The following RFX3 variants were observed in gnomAD, a reference collection of about 807,000 sequenced individuals.
The protein encoded by RFX3 is regulatory factor X3, also known as transcription factor RFX3.
In RFX3, 14 loss-of-function variants were observed where a neutral mutation model predicts 98.6. That is an observed-to-expected ratio of 0.14 (90% CI 0.09 to 0.22). The LOEUF (loss-of-function observed/expected upper bound fraction) is 0.22. Ranked by LOEUF, RFX3 falls within the 10% of genes least tolerant of loss-of-function variation. The pLI, the probability that RFX3 is intolerant of heterozygous loss-of-function variation, is 1.00. For synonymous variants in RFX3, 383 were observed against 328.4 expected, an observed-to-expected ratio of 1.17 and a Z score of -1.80; for missense variants, 639 against 926.9, an observed-to-expected ratio of 0.69 and a Z score of 4.03.
At chr9:3,474,635 C>T (rs1426466141) in intron 1 of RFX3, among the ~76,000 whole-genome samples, 4 of 152,150 alleles carry the variant, frequency 2.6e-5, no homozygotes, top group Non-Finnish European at 5.9e-5. Context: ...AGTAAGTCAG[C>T]CAACAAGTGG....
chr9:3,304,414 T>A (rs926033936), intron 4 of RFX3, among the ~76,000 whole-genome samples: 41 of 152,050 alleles, frequency 2.7e-4, no homozygotes, highest in South Asian at 1.5e-3. Context: ...CATAATCCAA[T>A]AGACATTACA....
chr9:3,248,219 C>G (rs1820933549), intron 14 of RFX3, 34 bp from the exon 15 acceptor site: 1 of 1,553,676 alleles, frequency 6.4e-7, no homozygotes, highest in Non-Finnish European at 8.7e-7. Context: ...ATGCAGCTAA[C>G]ATTAGTGACA....
intron 15 of RFX3, among the ~76,000 whole-genome samples, chr9:3,237,296 A>G (rs895237004): frequency 3.7e-4 from 57 of 152,226 alleles, no homozygotes; most frequent in African/African-American, 1.3e-3. Flanking sequence ...TACATACCAA[A>G]GAATGCTGTT....
At chr9:3,399,136 T>C (rs970130288) in intron 1 of RFX3, among the ~76,000 whole-genome samples, 6 of 151,674 alleles carry the variant, frequency 4.0e-5, no homozygotes, top group Admixed American at 1.3e-4. Context: ...AACTTTGAAC[T>C]AAAAAACAAA....
chr9:3,350,630 A>G (rs1834995507), intron 2 of RFX3, among the ~76,000 whole-genome samples: 1 of 152,178 alleles, frequency 6.6e-6, no homozygotes, highest in Admixed American at 6.5e-5. Context: ...TAACAACTTT[A>G]TTCATAATTG....
chr9:3,481,635 T>TA (rs910322540), intron 1 of RFX3, among the ~76,000 whole-genome samples: 20 of 150,964 alleles, frequency 1.3e-4, no homozygotes, highest in Admixed American at 4.6e-4. Flanking sequence ...ATTTTTAAAC[T>TA]AAAAAAAAGG....
intron 3 of RFX3, among the ~76,000 whole-genome samples, chr9:3,337,650 T>C (rs1035545496): frequency 6.6e-6 from 1 of 152,174 alleles, no homozygotes; most frequent in African/African-American, 2.4e-5. Context: ...AGTGGTGTGG[T>C]GTCTGTACTG....
intron 1 of RFX3, among the ~76,000 whole-genome samples, chr9:3,419,703 T>C (rs936167532): frequency 6.6e-6 from 1 of 152,238 alleles, no homozygotes; most frequent in Non-Finnish European, 1.5e-5. Flanking sequence ...CCATGGATGC[T>C]CTAGTCCCTC....
intron 4 of RFX3, among the ~76,000 whole-genome samples, chr9:3,327,556 T>C (rs1036324473): frequency 2.0e-5 from 3 of 151,222 alleles, no homozygotes; most frequent in African/African-American, 7.3e-5. Flanking sequence ...CAAAAGTTAC[T>C]TTTTTTTTAA....
intron 4 of RFX3, among the ~76,000 whole-genome samples, chr9:3,307,565 G>A (rs1427666764): frequency 6.6e-6 from 1 of 152,142 alleles, no homozygotes; most frequent in Non-Finnish European, 1.5e-5. Flanking sequence ...AAAGGTGGGA[G>A]TCTAAGGGAG....
At chr9:3,227,351 G>A (rs879572168) in intron 16 of RFX3, among the ~76,000 whole-genome samples, 2 of 152,126 alleles carry the variant, frequency 1.3e-5, no homozygotes, top group African/African-American at 2.4e-5. Flanking sequence ...TGGGTGACAG[G>A]TTTCCTTTGG....
intron 14 of RFX3, 111 bp downstream of exon 14, chr9:3,256,880 C>T (rs553341493): frequency 2.0e-6 from 2 of 1,010,624 alleles, no homozygotes; most frequent in Non-Finnish European, 3.0e-6. Flanking sequence ...TTTCCACAAA[C>T]TAAAGTCTTT....
At chr9:3,339,846 C>A (rs1373299651) in intron 3 of RFX3, among the ~76,000 whole-genome samples, 2 of 152,060 alleles carry the variant, frequency 1.3e-5, no homozygotes, top group African/African-American at 2.4e-5. Flanking sequence ...TTTATAGATT[C>A]AATGCCATCA....
intron 1 of RFX3, among the ~76,000 whole-genome samples, chr9:3,448,711 A>C (rs1250204630): frequency 6.6e-6 from 1 of 152,038 alleles, no homozygotes; most frequent in Non-Finnish European, 1.5e-5. Context: ...GTAAGGAAGG[A>C]ATCTCACTAT....
intron 1 of RFX3, among the ~76,000 whole-genome samples, chr9:3,493,615 C>A (rs1380668268): frequency 6.9e-6 from 1 of 144,118 alleles, no homozygotes; most frequent in Non-Finnish European, 1.5e-5. Context: ...ACCCAGGAGG[C>A]AGAGCTTGCA....
At chr9:3,423,778 C>CATATATATATATACATATAT (rs1554704305) in intron 1 of RFX3, among the ~76,000 whole-genome samples, 1 of 111,056 alleles carries the variant, frequency 9.0e-6, no homozygotes, top group African/African-American at 3.2e-5. Context: ...TATATATTTT[C>CATATATATATATACATATAT]ATATATATAT....
At chr9:3,515,795 C>T (rs1818097333) in intron 1 of RFX3, among the ~76,000 whole-genome samples, 1 of 152,072 alleles carries the variant, frequency 6.6e-6, no homozygotes, top group African/African-American at 2.4e-5. Context: ...ATTAGGCATG[C>T]AAATCTGAAT....
At chr9:3,312,992 T>C (rs1422747758) in intron 4 of RFX3, among the ~76,000 whole-genome samples, 6 of 152,248 alleles carry the variant, frequency 3.9e-5, no homozygotes, top group African/African-American at 1.4e-4. Flanking sequence ...TAAATGTCCC[T>C]GTCTGACAGC....
At chr9:3,401,670 C>G (rs1179878291) in intron 1 of RFX3, among the ~76,000 whole-genome samples, 2 of 152,196 alleles carry the variant, frequency 1.3e-5, no homozygotes, top group African/African-American at 4.8e-5. Flanking sequence ...CAATTTCAGT[C>G]TAGTCATCCT....
Sources: gnomAD v4.1 joint callset for allele counts (sites outside exome capture counted in the v4.1 genomes callset) on GRCh38, gnomAD v4.1.1 for gene constraint, MANE v1.5 for transcripts, NCBI Gene and HGNC (gene_info 2026-07-23, HGNC 2026-07-21) for gene names.